The following SNX10 variants were observed in gnomAD, a reference collection of about 807,000 sequenced individuals.
SNX10 encodes the protein sorting nexin 10.
A neutral mutation model predicts 28.5 loss-of-function variants in SNX10; 25 were observed. That is an observed-to-expected ratio of 0.88 (90% CI 0.64 to 1.22). The LOEUF is 1.22. Among genes scored for constraint, SNX10 ranks in the 50% most tolerant of loss-of-function variants. The pLI is 0.00. For missense variants in SNX10, 223 were observed against 242.6 expected (o/e 0.92, Z 0.54); for synonymous variants, 62 against 81.4 (o/e 0.76, Z 1.28).
chr7:26,361,991 T>C (rs375344100), intron 3 of SNX10, among the ~76,000 whole-genome samples: 6 of 152,322 alleles, frequency 3.9e-5, no homozygotes, highest in African/African-American at 1.2e-4. Flanking sequence ...TGAAGTAAAA[T>C]TTAGCCATTA....
chr7:26,329,600 A>G (rs1787645755), intron 1 of SNX10, among the ~76,000 whole-genome samples: 1 of 152,194 alleles, frequency 6.6e-6, no homozygotes, highest in Non-Finnish European at 1.5e-5. Context: ...TTCCCACTCA[A>G]CAAGCGTTAG....
chr7:26,317,952 C>T (rs192229087), intron 1 of SNX10, among the ~76,000 whole-genome samples: 28 of 152,190 alleles, frequency 1.8e-4, no homozygotes, highest in Non-Finnish European at 3.2e-4. Flanking sequence ...TGAGCCACCA[C>T]GCCCGGCTTT....
intron 1 of SNX10, 126 bp from the exon 2 acceptor site, chr7:26,346,294 C>T: frequency 1.4e-6 from 1 of 709,422 alleles, no homozygotes. Context: ...GGAGCAGAGG[C>T]TCACATGTCA....
chr7:26,319,798 A>T (rs187718586), intron 1 of SNX10, among the ~76,000 whole-genome samples: 1 of 152,144 alleles, frequency 6.6e-6, no homozygotes, highest in South Asian at 2.1e-4. Context: ...GCGGGGGGGA[A>T]ATGACAAAAG....
At chr7:26,324,988 C>G (rs955380472) in intron 1 of SNX10, among the ~76,000 whole-genome samples, 1 of 151,806 alleles carries the variant, frequency 6.6e-6, no homozygotes, top group African/African-American at 2.4e-5. Context: ...ATAGGGATAC[C>G]GTGGAGACAT....
intron 6 of SNX10, 46 bp downstream of exon 6, chr7:26,372,079 C>T (rs775652844): frequency 6.3e-6 from 8 of 1,264,084 alleles, no homozygotes; most frequent in South Asian, 1.2e-5. Flanking sequence ...TTATATAATA[C>T]ATAGTATGCA....
In SNX10 at chr7:26,353,459, T is replaced by TTTTTTTG. The variant is rs1554359898; in HGVS notation, c.24+6994_24+6995insTTTTTGT. On this transcript the variant is annotated intron_variant, in intron 2 of 6. Coordinates refer to ENST00000338523, the MANE Select transcript of SNX10 (RefSeq NM_013322.3). ...ATGCTTTTTTTTTTTTTTTTTTTTT[T>TTTTTTTG]TGGTGGGGAGACAGAGTCTTGGTCT... is the stretch of plus-strand genomic sequence containing the variant. Among the ~76,000 whole-genome samples the TTTTTTTG allele has an allele frequency of 1.5e-4, 9 of 58,410 alleles. 1 individual carries two copies. Among genetic ancestry groups the TTTTTTTG allele is most frequent in the African/African-American group, 2.2e-4 (5 of 22,414 alleles). The allele number at this position is 58,410 out of a possible 152,430, so 38.3% of individuals were successfully genotyped here.
intron 1 of SNX10, among the ~76,000 whole-genome samples, chr7:26,294,048 G>A (rs901991128): frequency 8.5e-5 from 13 of 152,130 alleles, no homozygotes; most frequent in Admixed American, 8.5e-4. Flanking sequence ...CAGGGCTGTG[G>A]TTTCACAACC....
intron 1 of SNX10, among the ~76,000 whole-genome samples, chr7:26,317,011 A>G (rs1160628192): frequency 1.3e-5 from 2 of 152,208 alleles, no homozygotes; most frequent in Admixed American, 1.3e-4. Context: ...TACATACCTG[A>G]TACTACCAAG....
At chr7:26,324,269 G>GAA (rs35423361) in intron 1 of SNX10, among the ~76,000 whole-genome samples, 3 of 152,024 alleles carry the variant, frequency 2.0e-5, no homozygotes, top group South Asian at 4.1e-4. Context: ...ATGTGTGTGA[G>GAA]AAAAAAACCG....
At chr7:26,343,536 A>G (rs1788258693) in intron 1 of SNX10, among the ~76,000 whole-genome samples, 1 of 152,228 alleles carries the variant, frequency 6.6e-6, no homozygotes, top group African/African-American at 2.4e-5. Flanking sequence ...ATCATGATGC[A>G]AGCGAAGTTA....
intron 2 of SNX10, among the ~76,000 whole-genome samples, chr7:26,359,668 ATTTT>A (rs537061600): frequency 6.8e-6 from 1 of 147,050 alleles, no homozygotes. Flanking sequence ...TATTGTTTTA[ATTTT>A]TTTTTTTTTT....
At chr7:26,330,859 A>G (rs941222228) in intron 1 of SNX10, among the ~76,000 whole-genome samples, 6 of 152,170 alleles carry the variant, frequency 3.9e-5, no homozygotes, top group Admixed American at 2.0e-4. Flanking sequence ...TCTCAAAAAA[A>G]CAGAACTAAG....
At chr7:26,327,715 T>C (rs974989481) in intron 1 of SNX10, among the ~76,000 whole-genome samples, 4 of 149,114 alleles carry the variant, frequency 2.7e-5, no homozygotes, top group Non-Finnish European at 5.9e-5. Flanking sequence ...TATTCATTCA[T>C]GCATTCTTTT....
intron 1 of SNX10, among the ~76,000 whole-genome samples, chr7:26,298,474 C>T (rs1008203813): frequency 2.0e-5 from 3 of 152,072 alleles, no homozygotes; most frequent in African/African-American, 7.2e-5. Flanking sequence ...AATAGATTGT[C>T]ACTATATATG....
chr7:26,348,353 T>C (rs12535203), intron 2 of SNX10, among the ~76,000 whole-genome samples: 56,679 of 152,162 alleles, frequency 0.37, 11,193 homozygotes, highest in South Asian at 0.61. Context: ...GCCCTTGTCT[T>C]CAACACCAAT....
Position 26,331,898 on chromosome 7 carries a change from A to C in SNX10, c.-23-14522A>C, listed in dbSNP as rs115205846. Among the ~76,000 whole-genome samples, 308 of 152,286 alleles carry C rather than the reference A, an allele frequency of 2.0e-3. 1 individual carries two copies. Among genetic ancestry groups the C allele is most frequent in the African/African-American group, 6.9e-3 (288 of 41,556 alleles). On this transcript the variant is annotated intron_variant, in intron 1 of 6. Coordinates refer to ENST00000338523, the MANE Select transcript of SNX10 (RefSeq NM_013322.3). ...GTGACCGGTTTCTTTCACTTATTGT[A>C]ATGTTTTCAGGGTTTATCCAAGTTG...
chr7:26,338,901 G>T (rs912968287), intron 1 of SNX10, among the ~76,000 whole-genome samples: 1 of 152,188 alleles, frequency 6.6e-6, no homozygotes, highest in Non-Finnish European at 1.5e-5. Context: ...CAGTGCAGTT[G>T]CAGGGTCTGC....
At chr7:26,330,471 C>T (rs910300028) in intron 1 of SNX10, among the ~76,000 whole-genome samples, 13 of 151,578 alleles carry the variant, frequency 8.6e-5, no homozygotes, top group African/African-American at 1.9e-4. Context: ...CAGGGAGGGG[C>T]GGGTGGAGAA....
Sources: allele counts gnomAD v4.1 joint callset (sites outside exome capture counted in the v4.1 genomes callset), GRCh38; gene constraint gnomAD v4.1.1; transcripts MANE v1.5; gene names NCBI Gene and HGNC (gene_info 2026-07-23, HGNC 2026-07-21).